Variants in ZNF18 observed in about 807,000 individuals in gnomAD.
The protein encoded by ZNF18 is zinc finger protein 18.
A neutral mutation model predicts 58.1 loss-of-function variants in ZNF18; 42 were observed. The ratio of observed to expected loss-of-function variants is 0.72; its 90% CI spans 0.56 to 0.93. The LOEUF (loss-of-function observed/expected upper bound fraction) is 0.93. Among genes scored for constraint, ZNF18 ranks in the 40% least tolerant of loss-of-function variants. The pLI, the probability that ZNF18 is intolerant of heterozygous loss-of-function variation, is 0.00. For synonymous variants in ZNF18, 231 were observed against 239.8 expected (o/e 0.96, Z 0.34); for missense variants, 540 against 644.2 (o/e 0.84, Z 1.75).
At position 11,992,431 on chromosome 17, in the gene ZNF18, C is replaced by A; in HGVS notation, c.387+12G>T. 6.2e-7 allele frequency: 1 copy of A among 1,610,820 alleles called. No individual in the cohort carries two copies. Among genetic ancestry groups the A allele is most frequent in the Non-Finnish European group, 8.5e-7 (1 of 1,177,938 alleles). ...TGTGTTTCACTCGCAGATCATAATA[C>A]CCTCTGCTTACCCATTGCCACAGTC... is the stretch of plus-strand genomic sequence containing the variant. On this transcript the variant is annotated intron_variant, in intron 2 of 6. Transcript: ENST00000580306.
At chr17:12,013,072 C>T in the ZNF18 span, among the ~76,000 whole-genome samples, 1 of 152,040 alleles carries the variant, frequency 6.6e-6, no homozygotes, top group Non-Finnish European at 1.5e-5. Flanking sequence ...CTGCCTCAGC[C>T]TCCCAAGTAG....
At chr17:12,020,063 T>C in the ZNF18 span, among the ~76,000 whole-genome samples, 1 of 152,206 alleles carries the variant, frequency 6.6e-6, no homozygotes, top group Non-Finnish European at 1.5e-5. Context: ...CCTCATATTG[T>C]TTTTTGGGGT....
chr17:12,015,333 C>T, the ZNF18 span, among the ~76,000 whole-genome samples: 37 of 152,270 alleles, frequency 2.4e-4, no homozygotes, highest in African/African-American at 6.7e-4. Context: ...TTCTTGGCTA[C>T]GCCCTAGGTG....
At chr17:11,983,765 TAACTC>T (rs1967536892) in intron 5 of ZNF18, among the ~76,000 whole-genome samples, 2 of 151,780 alleles carry the variant, frequency 1.3e-5, no homozygotes, top group South Asian at 4.2e-4. Flanking sequence ...AGTTCCATCA[TAACTC>T]AGCCCACTTA....
At chr17:12,020,897 C>A in the ZNF18 span, 1 of 1,215,230 alleles carries the variant, frequency 8.2e-7, no homozygotes, top group African/African-American at 1.6e-5. Context: ...ATGGCGGCTC[C>A]GAGCCCGAGC....
the ZNF18 span, among the ~76,000 whole-genome samples, chr17:12,006,060 G>T: frequency 4.5e-4 from 68 of 152,236 alleles, no homozygotes; most frequent in African/African-American, 1.5e-3. Context: ...TTATCTGAGA[G>T]GTAGAGCCTG....
chr17:11,978,088 A>C lies in ZNF18; in HGVS notation c.1519T>G (p.Phe507Val). ...GTGTGAACCCTCTGATGTCTATTAA[A>C]GTTTGATCTCTGAATGAAACTTTTC... ...CEKSFIQRSN[F>V]NRHQRVHTGE... The change falls in exon 7 of 7, where the codon TTT (phenylalanine) becomes GTT (valine). Residue 507 changes from phenylalanine (F) to valine (V), a missense_variant. Physicochemically the swap from Phe to Val is conservative, Grantham distance 50. Coordinates refer to ENST00000580306, the MANE Select transcript of ZNF18 (RefSeq NM_001303281.2). 2 of 1,614,096 alleles carry C rather than the reference A, an allele frequency of 1.2e-6. No individual in the cohort carries two copies. Among genetic ancestry groups the C allele is most frequent in the Non-Finnish European group, 1.7e-6 (2 of 1,180,014 alleles).
At chr17:11,999,844 C>G (rs191363099), upstream of ZNF18, among the ~76,000 whole-genome samples, 2 of 152,254 alleles carry the variant, frequency 1.3e-5, no homozygotes, top group Non-Finnish European at 2.9e-5. Context: ...ATAAAACAGG[C>G]TTGAATCCAG....
the ZNF18 span, chr17:12,010,868 T>C: frequency 2.0e-6 from 1 of 496,180 alleles, no homozygotes. Flanking sequence ...TTTCTCTTTG[T>C]CTTCTTTAGT....
At chr17:12,005,967 A>G in the ZNF18 span, among the ~76,000 whole-genome samples, 1 of 46,744 alleles carries the variant, frequency 2.1e-5, no homozygotes, top group Non-Finnish European at 4.9e-5. Flanking sequence ...TAGATCTGGG[A>G]GCTTCTTAAA....
chr17:12,010,398 T>G, the ZNF18 span, among the ~76,000 whole-genome samples: 1 of 151,910 alleles, frequency 6.6e-6, no homozygotes, highest in Non-Finnish European at 1.5e-5. Flanking sequence ...TAAAACTGCT[T>G]CCAAAACATT....
At chr17:12,016,843 ATGT>A in the ZNF18 span, among the ~76,000 whole-genome samples, 1 of 152,126 alleles carries the variant, frequency 6.6e-6, no homozygotes, top group Non-Finnish European at 1.5e-5. Context: ...CTTATAAATA[ATGT>A]TGTCATGAAC....
intron 4 of ZNF18, 53 bp from the exon 5 acceptor site, chr17:11,984,250 T>C (rs1045701041): frequency 7.4e-5 from 114 of 1,541,188 alleles, no homozygotes; most frequent in Middle Eastern, 1.7e-4. Context: ...ATGAAGGTGT[T>C]TGAACCTGCC....
At chr17:12,008,794 G>A in the ZNF18 span, among the ~76,000 whole-genome samples, 6 of 152,196 alleles carry the variant, frequency 3.9e-5, no homozygotes, top group African/African-American at 1.4e-4. Flanking sequence ...CCACCAGATG[G>A]TAGGCCACTA....
chr17:11,983,150 TAAATC>T (rs2151473249), intron 6 of ZNF18, 142 bp downstream of exon 6: 2 of 588,732 alleles, frequency 3.4e-6, no homozygotes, highest in South Asian at 4.0e-5. Flanking sequence ...TCTCAATAGT[TAAATC>T]AAACCAATCA....
rs1967103781 is a variant in ZNF18, at chr17:11,978,143, T to C, written c.1464A>G (p.Gly488=). The C allele has an allele frequency of 1.9e-6, 3 of 1,614,074 alleles. No homozygotes were observed. The highest frequency in any genetic ancestry group is 1.6e-4 in the Middle Eastern group (1 of 6,084). Residue 488 remains glycine (G), a synonymous_variant, in exon 7 of 7, where the codon GGA becomes GGG. Coordinates refer to ENST00000580306, the MANE Select transcript of ZNF18 (RefSeq NM_001303281.2). ...AGATAGGACATTTATAGGGTTTCTC[T>C]CCTGTGTGGATTTTCTCGTGGTGGC... ...GLRHHEKIHT[G]EKPYKCPICE... is the part of the protein sequence containing the mutation.
the ZNF18 span, among the ~76,000 whole-genome samples, chr17:12,007,148 A>G: frequency 6.6e-6 from 1 of 152,166 alleles, no homozygotes; most frequent in Non-Finnish European, 1.5e-5. Flanking sequence ...GAAGGAGGTC[A>G]GGGCTTCAGT....
intron 5 of ZNF18, 61 bp from the exon 6 acceptor site, chr17:11,983,468 G>C: frequency 1.5e-6 from 2 of 1,378,854 alleles, no homozygotes; most frequent in Non-Finnish European, 2.1e-6. Context: ...AGCTCAAGCT[G>C]TGTCTTTCAA....
the ZNF18 span, among the ~76,000 whole-genome samples, chr17:12,003,629 A>G: frequency 6.6e-6 from 1 of 152,202 alleles, no homozygotes; most frequent in Non-Finnish European, 1.5e-5. Flanking sequence ...CTGAGGCCGT[A>G]AAATGTCTTT....
Sources: allele counts gnomAD v4.1 joint callset (sites outside exome capture counted in the v4.1 genomes callset), GRCh38; gene constraint gnomAD v4.1.1; transcripts MANE v1.5; gene names NCBI Gene and HGNC (gene_info 2026-07-23, HGNC 2026-07-21).